Variants in GSK3B observed in about 807,000 individuals in gnomAD.
GSK3B encodes the protein glycogen synthase kinase 3 beta, also known as glycogen synthase kinase-3 beta.
A neutral mutation model predicts 56.4 loss-of-function variants in GSK3B; 15 were observed. That is an observed-to-expected ratio of 0.27 (90% CI 0.18 to 0.41). The LOEUF (loss-of-function observed/expected upper bound fraction) is 0.41, where lower values mean the gene tolerates loss of function less well. Ranked by LOEUF, GSK3B falls within the 10% of genes least tolerant of loss-of-function variation. GSK3B has a pLI of 1.00. For missense variants in GSK3B, 300 were observed against 513.4 expected, an observed-to-expected ratio of 0.58 and a Z score of 4.02; for synonymous variants, 181 against 188.9, an observed-to-expected ratio of 0.96 and a Z score of 0.34.
intron 6 of GSK3B, among the ~76,000 whole-genome samples, chr3:119,912,075 T>C (rs1466538786): frequency 6.6e-6 from 1 of 152,196 alleles, no homozygotes; most frequent in Non-Finnish European, 1.5e-5. Context: ...TAATCATTTC[T>C]AGCTTTTGAT....
At position 119,825,749 on chromosome 3, in the gene GSK3B, T is replaced by C. The variant is rs1427897627; in HGVS notation, c.*1039A>G. The C allele has an allele frequency of 8.9e-6, 2 of 224,670 alleles. No homozygotes were observed. Among genetic ancestry groups the C allele is most frequent in the Non-Finnish European group, 1.8e-5 (2 of 112,860 alleles). The allele number at this position is 224,670 out of a possible 1,614,324, so 13.9% of individuals were successfully genotyped here. On this transcript the variant is annotated 3_prime_UTR_variant, in exon 11 of 11. Transcript: ENST00000264235. ...AAGCTCAATTTTCAATTAAAAAATATGAAAAATAAACCAGTAGATGACTGT... is the reference window on the plus strand; with the variant it reads ...AAGCTCAATTTTCAATTAAAAAATACGAAAAATAAACCAGTAGATGACTGT...
At chr3:119,856,980 G>A (rs1200663142) in intron 9 of GSK3B, among the ~76,000 whole-genome samples, 1 of 152,156 alleles carries the variant, frequency 6.6e-6, no homozygotes, top group Non-Finnish European at 1.5e-5. Flanking sequence ...TCCACTGCAT[G>A]TAAGTGATGA....
intron 1 of GSK3B, among the ~76,000 whole-genome samples, chr3:120,066,983 A>G (rs1436232713): frequency 6.6e-6 from 1 of 152,206 alleles, no homozygotes; most frequent in East Asian, 1.9e-4. Context: ...ACACAAATAC[A>G]TGAATACTAA....
intron 3 of GSK3B, among the ~76,000 whole-genome samples, chr3:119,925,989 G>A (rs753408509): frequency 6.6e-6 from 1 of 151,952 alleles, no homozygotes; most frequent in Non-Finnish European, 1.5e-5. Context: ...TCACTTCATA[G>A]GACACTATAC....
chr3:119,822,141 G>C lies in GSK3B; in HGVS notation c.*4647C>G. The C allele has an allele frequency of 5.1e-6, 1 of 195,642 alleles. No homozygotes were observed. 12.1% of individuals were successfully genotyped at this position (195,642 alleles called of 1,614,324 possible). A position where few individuals can be genotyped will look rare whatever the true frequency, so the allele number is the denominator to read the frequency against. ...AAATGAAAAAAAAATCAGTCACAGA[G>C]GCATTCAAGTAGTAATAATGTTATA... On this transcript the variant is annotated 3_prime_UTR_variant, in exon 11 of 11. Transcript: ENST00000264235.
chr3:120,011,831 A>G (rs2057780917), intron 1 of GSK3B, among the ~76,000 whole-genome samples: 1 of 152,204 alleles, frequency 6.6e-6, no homozygotes, highest in Admixed American at 6.5e-5. Flanking sequence ...GAACAATCCC[A>G]TTCATTGTTT....
intron 8 of GSK3B, among the ~76,000 whole-genome samples, chr3:119,865,458 ATATATATATTTTT>A (rs1251564549): frequency 1.4e-3 from 29 of 20,688 alleles, no homozygotes; most frequent in African/African-American, 2.8e-3. Context: ...ATATATATAT[ATATATATATTTTT>A]TTTTTTTTTT....
chr3:119,961,185 T>G lies in GSK3B; in HGVS notation c.283-13834A>C, dbSNP rs548788169. ...CTCTCTAATCCCTCTCCAGCTAATCTCTCCAAAGGTTAAAAACTGATCAAG... is the reference window on the plus strand; with the variant it reads ...CTCTCTAATCCCTCTCCAGCTAATCGCTCCAAAGGTTAAAAACTGATCAAG... On this transcript the variant is annotated intron_variant, in intron 2 of 10. Transcript: ENST00000264235. 2.0e-5 allele frequency among the ~76,000 whole-genome samples: 3 copies of G among 151,928 alleles called. No homozygotes were observed. The East Asian group carries it at 5.8e-4, about 29-fold the overall frequency.
At chr3:119,924,328 G>A (rs1156597287) in intron 3 of GSK3B, among the ~76,000 whole-genome samples, 1 of 152,162 alleles carries the variant, frequency 6.6e-6, no homozygotes, top group African/African-American at 2.4e-5. Context: ...CCATGTTCAA[G>A]CATAGGCTTG....
intron 2 of GSK3B, among the ~76,000 whole-genome samples, chr3:119,948,433 G>GTA (rs2057121792): frequency 7.2e-5 from 11 of 152,228 alleles, no homozygotes; most frequent in Admixed American, 7.2e-4. Context: ...TTGGGCTTAT[G>GTA]TGTACAATGG....
rs1159095469 is a variant in GSK3B, at chr3:120,093,722, A to C, written c.-288T>G. 3.1e-6 allele frequency: 1 copy of C among 327,288 alleles called. No individual in the cohort carries two copies. The highest frequency in any genetic ancestry group is 2.1e-5 in the African/African-American group (1 of 47,896). The allele number at this position is 327,288 out of a possible 1,614,324, so 20.3% of individuals were successfully genotyped here. ...CCCTCCCTTTCCTGGGAGGAGAGAAAAGAGAGGGCAAATCCTAAAAAAATA... is the reference window on the plus strand; with the variant it reads ...CCCTCCCTTTCCTGGGAGGAGAGAACAGAGAGGGCAAATCCTAAAAAAATA... On this transcript the variant is annotated 5_prime_UTR_variant, in exon 1 of 11. Transcript: ENST00000264235.
chr3:120,075,446 A>C (rs1453946213), intron 1 of GSK3B, among the ~76,000 whole-genome samples: 2 of 152,218 alleles, frequency 1.3e-5, no homozygotes, highest in African/African-American at 4.8e-5. Flanking sequence ...TCAGAAAATT[A>C]TCTCTATTTG....
rs1204106059 is a variant in GSK3B, at chr3:119,825,950, C to G, written c.*838G>C. The G allele has an allele frequency of 1.4e-5, 3 of 214,996 alleles. No individual in the cohort carries two copies. Among genetic ancestry groups the G allele is most frequent in the Non-Finnish European group, 2.8e-5 (3 of 106,802 alleles). 13.3% of individuals were successfully genotyped at this position (214,996 alleles called of 1,614,324 possible). On this transcript the variant is annotated 3_prime_UTR_variant, in exon 11 of 11. Coordinates refer to ENST00000264235, the MANE Select transcript of GSK3B (RefSeq NM_001146156.2). Reference sequence around the variant, plus strand: ...AGCAGCTAGCTCAGCCTGCTCAACACCCCTTCCATCTCCTCCCAGGTCACT... The same window carrying G: ...AGCAGCTAGCTCAGCCTGCTCAACAGCCCTTCCATCTCCTCCCAGGTCACT...
intron 2 of GSK3B, among the ~76,000 whole-genome samples, chr3:119,971,200 T>TA (rs2057363425): frequency 6.6e-6 from 1 of 152,200 alleles, no homozygotes; most frequent in African/African-American, 2.4e-5. Context: ...AGGTTTTACT[T>TA]ATAGTTTCTC....
chr3:119,860,515 C>G lies in GSK3B; in HGVS notation c.1096+2904G>C, dbSNP rs964315085. Among the ~76,000 whole-genome samples, 13 of 152,174 alleles carry G rather than the reference C, an allele frequency of 8.5e-5. 1 individual carries two copies. Among genetic ancestry groups the G allele is most frequent in the African/African-American group, 2.9e-4 (12 of 41,426 alleles). On this transcript the variant is annotated intron_variant, in intron 9 of 10. Transcript: ENST00000264235. ...ATATCTGTTCATCTCTCTCCTTCCT[C>G]TATCTGAATATGGAAATACTGTGAT...
chr3:120,068,263 C>T (rs1385318736), intron 1 of GSK3B, among the ~76,000 whole-genome samples: 12 of 151,922 alleles, frequency 7.9e-5, no homozygotes, highest in South Asian at 4.2e-4. Flanking sequence ...TGGTGGCACG[C>T]GCCTGTAATA....
At chr3:119,895,322 C>T (rs925811254) in intron 7 of GSK3B, among the ~76,000 whole-genome samples, 19 of 152,076 alleles carry the variant, frequency 1.2e-4, no homozygotes, top group Admixed American at 9.8e-4. Flanking sequence ...TTTTTCCTTC[C>T]GTTCATCCAC....
At chr3:120,023,738 G>C (rs2057899334) in intron 1 of GSK3B, among the ~76,000 whole-genome samples, 1 of 152,088 alleles carries the variant, frequency 6.6e-6, no homozygotes, top group South Asian at 2.1e-4. Context: ...AGGGAGAAGA[G>C]AACAGTGTAC....
At chr3:119,837,894 A>T (rs1462139138) in intron 10 of GSK3B, among the ~76,000 whole-genome samples, 3 of 147,312 alleles carry the variant, frequency 2.0e-5, no homozygotes, top group Non-Finnish European at 3.0e-5. Context: ...ATATATAAAT[A>T]TATATTTTAT....
Sources: gnomAD v4.1 joint callset for allele counts (sites outside exome capture counted in the v4.1 genomes callset) on GRCh38, gnomAD v4.1.1 for gene constraint, MANE v1.5 for transcripts, NCBI Gene and HGNC (gene_info 2026-07-23, HGNC 2026-07-21) for gene names.